The following EEFSEC variants were observed in gnomAD, a reference collection of about 807,000 sequenced individuals.
The protein encoded by EEFSEC is eukaryotic elongation factor, selenocysteine-tRNA specific.
In EEFSEC, 43 loss-of-function variants were observed where a neutral mutation model predicts 42.1. The ratio of observed to expected loss-of-function variants is 1.02; its 90% CI spans 0.80 to 1.32. EEFSEC has a LOEUF of 1.32. EEFSEC is among the 40% of genes most tolerant of loss of function. The probability of loss-of-function intolerance (pLI) is 0.00; values close to 1 mark genes in which losing one functional copy is unlikely to be tolerated. For synonymous variants in EEFSEC, 354 were observed against 339.1 expected (o/e 1.04, Z -0.48); for missense variants, 745 against 803.6 (o/e 0.93, Z 0.88).
chr3:128,198,961 A>C (rs1444945101), intron 1 of EEFSEC, among the ~76,000 whole-genome samples: 3 of 152,026 alleles, frequency 2.0e-5, no homozygotes, highest in African/African-American at 7.3e-5. Flanking sequence ...CCTTCTGAGT[A>C]CCTGGGACTA....
At chr3:128,351,930 C>T (rs1324360180) in intron 5 of EEFSEC, among the ~76,000 whole-genome samples, 1 of 152,230 alleles carries the variant, frequency 6.6e-6, no homozygotes, top group African/African-American at 2.4e-5. Flanking sequence ...AGAAGCAAGG[C>T]CTATTGAGCA....
intron 4 of EEFSEC, among the ~76,000 whole-genome samples, chr3:128,302,630 A>T (rs1278804711): frequency 6.6e-6 from 1 of 151,162 alleles, no homozygotes; most frequent in Non-Finnish European, 1.5e-5. Flanking sequence ...TTTTTGGGGG[A>T]GGTAAGTTAT....
At chr3:128,421,376 G>A in the EEFSEC span, among the ~76,000 whole-genome samples, 8 of 152,296 alleles carry the variant, frequency 5.3e-5, no homozygotes, top group African/African-American at 1.4e-4. Flanking sequence ...AGGAGGAAGC[G>A]GCACCTCCGT....
At position 128,241,205 on chromosome 3, in the gene EEFSEC, T is replaced by TTC. The variant is rs1172570977; in HGVS notation, c.317-5630_317-5629insCT. ...CTTTGTCCTCTCTCTCTCTCTCTTT[T>TTC]TTTTTTTTTTTTTTTTTTTGAGACA... On this transcript the variant is annotated intron_variant, in intron 1 of 6. Coordinates refer to ENST00000254730, the MANE Select transcript of EEFSEC (RefSeq NM_021937.5). Among the ~76,000 whole-genome samples the TTC allele has an allele frequency of 8.4e-4, 119 of 141,000 alleles. 3 individuals are homozygous for TTC. In the East Asian group the frequency reaches 0.024, roughly 28 times the overall value. The allele number at this position is 141,000 out of a possible 152,430, so 92.5% of individuals were successfully genotyped here. A position where few individuals can be genotyped will look rare whatever the true frequency, so the allele number is the denominator to read the frequency against.
At chr3:128,397,805 G>A (rs989526771) in intron 6 of EEFSEC, among the ~76,000 whole-genome samples, 3 of 152,272 alleles carry the variant, frequency 2.0e-5, no homozygotes, top group African/African-American at 7.2e-5. Context: ...CCCATGGATG[G>A]GGGGCATGAG....
chr3:128,396,648 G>A (rs1286856970), intron 6 of EEFSEC, among the ~76,000 whole-genome samples: 2 of 152,178 alleles, frequency 1.3e-5, no homozygotes, highest in African/African-American at 4.8e-5. Flanking sequence ...AAGGGTTTGA[G>A]CTCAGGCCCA....
rs201307663 is a variant in EEFSEC, at chr3:128,277,495, G to A, written c.786+12714G>A. Among the ~76,000 whole-genome samples the A allele has an allele frequency of 5.1e-3, 770 of 152,258 alleles. 3 individuals are homozygous for A. The highest frequency in any genetic ancestry group is 0.014 in the Middle Eastern group (4 of 294). ...TTGTTTTTGTGTGCGTGTTTTAAAA[G>A]TATTTAAATGAGATGATTCTAGATG... is the stretch of plus-strand genomic sequence containing the variant. On this transcript the variant is annotated intron_variant, in intron 4 of 6. Coordinates refer to ENST00000254730, the MANE Select transcript of EEFSEC (RefSeq NM_021937.5).
chr3:128,154,024 C>A, intron 1 of EEFSEC: 1 of 658,222 alleles, frequency 1.5e-6, no homozygotes, highest in Non-Finnish European at 2.3e-6. Context: ...CAGCTTTTCC[C>A]ATCCAGCAGA....
At chr3:128,344,374 A>T (rs934427656) in intron 5 of EEFSEC, among the ~76,000 whole-genome samples, 1 of 152,270 alleles carries the variant, frequency 6.6e-6, no homozygotes, top group African/African-American at 2.4e-5. Flanking sequence ...CAATCAAATT[A>T]TGTGCAAATA....
intron 2 of EEFSEC, among the ~76,000 whole-genome samples, chr3:128,252,007 C>A (rs144946437): frequency 2.2e-4 from 33 of 152,312 alleles, no homozygotes; most frequent in African/African-American, 7.0e-4. Context: ...TAGTTGTTAT[C>A]ACAGCATTGA....
At chr3:128,211,219 C>G (rs562367436) in intron 1 of EEFSEC, among the ~76,000 whole-genome samples, 1 of 152,180 alleles carries the variant, frequency 6.6e-6, no homozygotes, top group Non-Finnish European at 1.5e-5. Context: ...TTAACCTCCT[C>G]TCACCTCTAC....
chr3:128,282,111 C>T (rs2066532603), intron 4 of EEFSEC, among the ~76,000 whole-genome samples: 1 of 152,246 alleles, frequency 6.6e-6, no homozygotes, highest in Non-Finnish European at 1.5e-5. Context: ...AGAGGAGGGG[C>T]TACCTGGAGC....
intron 4 of EEFSEC, among the ~76,000 whole-genome samples, chr3:128,318,866 C>T (rs924738320): frequency 3.9e-5 from 6 of 152,208 alleles, no homozygotes; most frequent in African/African-American, 1.4e-4. Context: ...CAGGCACCTG[C>T]GTGTACAGCA....
intron 1 of EEFSEC, among the ~76,000 whole-genome samples, chr3:128,230,439 G>A (rs114052333): frequency 0.011 from 1,706 of 152,326 alleles, 22 homozygotes; most frequent in African/African-American, 0.039. Context: ...ACAGGTGTGA[G>A]CCACTGTACT....
chr3:128,153,903 C>G, intron 1 of EEFSEC, 80 bp downstream of exon 1: 1 of 1,420,002 alleles, frequency 7.0e-7, no homozygotes, highest in Non-Finnish European at 9.1e-7. Context: ...TCGCTCGAGC[C>G]TTTGCCGGGA....
chr3:128,360,426 C>A (rs921494539), intron 6 of EEFSEC, among the ~76,000 whole-genome samples: 3 of 152,220 alleles, frequency 2.0e-5, no homozygotes, highest in African/African-American at 7.2e-5. Flanking sequence ...GGGGGCCATA[C>A]TGAGGAGCAC....
intron 3 of EEFSEC, among the ~76,000 whole-genome samples, chr3:128,263,171 G>A (rs1050172565): frequency 6.6e-6 from 1 of 152,170 alleles, no homozygotes; most frequent in Non-Finnish European, 1.5e-5. Context: ...TTACATACAG[G>A]ATCATTGACA....
intron 2 of EEFSEC, among the ~76,000 whole-genome samples, chr3:128,253,419 ACTCCCTGG>A (rs977033509): frequency 2.0e-5 from 3 of 151,758 alleles, no homozygotes; most frequent in African/African-American, 7.3e-5. Context: ...CCAGCCACTT[ACTCCCTGG>A]CTCCCTGGGC....
intron 4 of EEFSEC, among the ~76,000 whole-genome samples, chr3:128,326,744 T>C (rs1358193706): frequency 6.6e-6 from 1 of 152,168 alleles, no homozygotes; most frequent in African/African-American, 2.4e-5. Flanking sequence ...GACTAGAAAA[T>C]CTGTCTTTTT....
Sources: allele counts gnomAD v4.1 joint callset (sites outside exome capture counted in the v4.1 genomes callset), GRCh38; gene constraint gnomAD v4.1.1; transcripts MANE v1.5; gene names NCBI Gene and HGNC (gene_info 2026-07-23, HGNC 2026-07-21).